The following SLC25A21 variants were observed in gnomAD, a reference collection of about 807,000 sequenced individuals.
SLC25A21 encodes solute carrier family 25 member 21.
Under a neutral mutation model 43.8 loss-of-function variants are expected in SLC25A21, and 47 were observed. That is an observed-to-expected ratio of 1.07 (90% CI 0.85 to 1.37). The LOEUF is 1.37. SLC25A21 is among the 40% of genes most tolerant of loss of function. The pLI is 0.00. For synonymous variants in SLC25A21, 131 were observed against 121.3 expected, an observed-to-expected ratio of 1.08 and a Z score of -0.52; for missense variants, 352 against 350.2, an observed-to-expected ratio of 1.00 and a Z score of -0.04.
chr14:37,066,395 A>G (rs1156922911), intron 1 of SLC25A21, among the ~76,000 whole-genome samples: 1 of 151,990 alleles, frequency 6.6e-6, no homozygotes, highest in East Asian at 1.9e-4. Flanking sequence ...CTGACTCTAC[A>G]CTGCACATGG....
intron 1 of SLC25A21, among the ~76,000 whole-genome samples, chr14:37,121,187 C>T (rs559820073): frequency 5.3e-5 from 8 of 152,308 alleles, no homozygotes; most frequent in African/African-American, 1.7e-4. Flanking sequence ...CTAGACACAG[C>T]TCATGAAAAT....
intron 7 of SLC25A21, among the ~76,000 whole-genome samples, chr14:36,697,606 C>A (rs1883085347): frequency 6.6e-6 from 1 of 152,108 alleles, no homozygotes; most frequent in African/African-American, 2.4e-5. Flanking sequence ...GTATTGGGTG[C>A]ACATATACTT....
chr14:37,006,594 A>T (rs1310196244), intron 1 of SLC25A21, among the ~76,000 whole-genome samples: 1 of 152,074 alleles, frequency 6.6e-6, no homozygotes, highest in Admixed American at 6.6e-5. Flanking sequence ...GGCCTTAAAA[A>T]TTTCATACTG....
Position 37,068,082 on chromosome 14 carries a change from G to A in SLC25A21, c.70+104199C>T, listed in dbSNP as rs192288335. On this transcript the variant is annotated intron_variant, in intron 1 of 9. Transcript: ENST00000331299. ...TACTATCTGGTTCTTTACAGGAAACGTTTGCCAACCCCCGGACTTGAACAC... is the reference window on the plus strand; with the variant it reads ...TACTATCTGGTTCTTTACAGGAAACATTTGCCAACCCCCGGACTTGAACAC... Among the ~76,000 whole-genome samples the A allele has an allele frequency of 2.0e-4, 31 of 152,324 alleles. 1 individual carries two copies. The East Asian group carries it at 4.2e-3, about 21-fold the overall frequency.
chr14:37,138,315 T>G (rs1333758775), intron 1 of SLC25A21, among the ~76,000 whole-genome samples: 1 of 152,208 alleles, frequency 6.6e-6, no homozygotes. Context: ...AAGTATATAC[T>G]TTGGCATTTA....
chr14:37,100,054 GTTTGTTTTCTTTTGTTTT>G, intron 1 of SLC25A21, among the ~76,000 whole-genome samples: 1 of 150,922 alleles, frequency 6.6e-6, no homozygotes, highest in Non-Finnish European at 1.5e-5. Flanking sequence ...TTGTTTGTTT[GTTTGTTTTCTTTTGTTTT>G]TTTTGAGATG....
chr14:36,798,902 A>AAGAGAG (rs10637597), intron 3 of SLC25A21, among the ~76,000 whole-genome samples: 10,761 of 150,682 alleles, frequency 0.071, 546 homozygotes, highest in Admixed American at 0.19. Context: ...TAGGGAGAGA[A>AAGAGAG]AGAGAGAGAG....
At chr14:36,802,872 A>T (rs1411186042) in intron 3 of SLC25A21, among the ~76,000 whole-genome samples, 1 of 152,226 alleles carries the variant, frequency 6.6e-6, no homozygotes, top group Admixed American at 6.5e-5. Flanking sequence ...GCATGTAATG[A>T]TAGTGGGTGA....
At chr14:37,043,932 G>GTTTTTTTTTTTTTTT (rs1944478047) in intron 1 of SLC25A21, among the ~76,000 whole-genome samples, 1 of 89,738 alleles carries the variant, frequency 1.1e-5, no homozygotes, top group African/African-American at 8.1e-5. Context: ...TTTGTTTTAT[G>GTTTTTTTTTTTTTTT]TTTTTTTGTT....
chr14:37,018,739 A>G (rs1362873422), intron 1 of SLC25A21, among the ~76,000 whole-genome samples: 1 of 151,834 alleles, frequency 6.6e-6, no homozygotes, highest in Non-Finnish European at 1.5e-5. Flanking sequence ...CCCTTCATGC[A>G]CTCTAAGTGC....
intron 1 of SLC25A21, among the ~76,000 whole-genome samples, chr14:37,008,393 G>T (rs192613477): frequency 2.0e-5 from 3 of 152,220 alleles, no homozygotes; most frequent in Non-Finnish European, 1.5e-5. Context: ...AATAAATACA[G>T]TCATGACATG....
intron 1 of SLC25A21, among the ~76,000 whole-genome samples, chr14:37,084,826 C>T (rs1220581046): frequency 6.6e-6 from 1 of 152,172 alleles, no homozygotes; most frequent in Non-Finnish European, 1.5e-5. Context: ...TTGTGTAGTA[C>T]TGGCATAAGG....
At chr14:37,063,874 G>A (rs553824338) in intron 1 of SLC25A21, among the ~76,000 whole-genome samples, 65 of 152,250 alleles carry the variant, frequency 4.3e-4, no homozygotes, top group African/African-American at 1.3e-3. Context: ...GCAGTAAACC[G>A]AAATGCAACC....
intron 1 of SLC25A21, among the ~76,000 whole-genome samples, chr14:37,141,707 A>G (rs1486456229): frequency 6.6e-6 from 1 of 152,114 alleles, no homozygotes; most frequent in African/African-American, 2.4e-5. Context: ...TCTTTATTCT[A>G]TTACTCAAAA....
intron 1 of SLC25A21, among the ~76,000 whole-genome samples, chr14:36,902,006 T>G (rs1311173001): frequency 1.3e-5 from 2 of 152,184 alleles, no homozygotes; most frequent in Non-Finnish European, 2.9e-5. Context: ...AAGTTATGCA[T>G]TCTTTTAAGG....
At chr14:36,897,587 A>G (rs1394394960) in intron 1 of SLC25A21, among the ~76,000 whole-genome samples, 2 of 152,146 alleles carry the variant, frequency 1.3e-5, no homozygotes, top group Non-Finnish European at 2.9e-5. Flanking sequence ...GAGGAGCTGC[A>G]TTCCTTTGGA....
rs557396640 is a variant in SLC25A21 at position 36,981,166 on chromosome 14, A to G, written c.71-106162T>C. ...CCATCTCACACCAGTTAGAATGGTG[A>G]TCATTAAAAAGTCAGGAAACTACAG... On this transcript the variant is annotated intron_variant, in intron 1 of 9. Transcript: ENST00000331299. 8.5e-5 allele frequency among the ~76,000 whole-genome samples: 13 copies of G among 152,294 alleles called. No individual in the cohort carries two copies. The South Asian group carries it at 2.7e-3, about 32-fold the overall frequency.
At chr14:37,122,790 A>G (rs1209269414) in intron 1 of SLC25A21, among the ~76,000 whole-genome samples, 1 of 152,180 alleles carries the variant, frequency 6.6e-6, no homozygotes, top group Admixed American at 6.5e-5. Flanking sequence ...CAAATGTTTT[A>G]TTGACGTTCT....
intron 1 of SLC25A21, among the ~76,000 whole-genome samples, chr14:36,935,903 G>C (rs550664272): frequency 4.0e-4 from 61 of 152,220 alleles, no homozygotes; most frequent in African/African-American, 1.3e-3. Flanking sequence ...CCATTAAAGA[G>C]GGGAACCTTA....
Sources: allele counts gnomAD v4.1 joint callset (sites outside exome capture counted in the v4.1 genomes callset), GRCh38; gene constraint gnomAD v4.1.1; transcripts MANE v1.5; gene names NCBI Gene and HGNC (gene_info 2026-07-23, HGNC 2026-07-21).